Variants in NSMCE2 observed in about 807,000 individuals in gnomAD.
The protein encoded by NSMCE2 is E3 SUMO-protein ligase NSE2.
Under a neutral mutation model 23.8 loss-of-function variants are expected in NSMCE2, and 24 were observed. That is an observed-to-expected ratio of 1.01 (90% CI 0.73 to 1.42). The LOEUF (loss-of-function observed/expected upper bound fraction) is 1.42. Ranked by LOEUF, NSMCE2 falls within the 40% of genes most tolerant of loss-of-function variation. NSMCE2 has a pLI of 0.00. For missense variants in NSMCE2, 284 were observed against 296.5 expected (o/e 0.96, Z 0.31); for synonymous variants, 92 against 94.1 (o/e 0.98, Z 0.13).
chr8:125,141,335 A>G (rs915088619), intron 3 of NSMCE2, among the ~76,000 whole-genome samples: 2 of 152,164 alleles, frequency 1.3e-5, no homozygotes, highest in Non-Finnish European at 2.9e-5. Context: ...CAGATTATTC[A>G]TTACTCCCTG....
intron 3 of NSMCE2, among the ~76,000 whole-genome samples, chr8:125,147,536 G>T (rs1820757511): frequency 6.6e-6 from 1 of 152,178 alleles, no homozygotes; most frequent in African/African-American, 2.4e-5. Flanking sequence ...GGTGAAGAAG[G>T]AAATCCTTCT....
At chr8:125,117,344 C>T (rs929756908) in intron 3 of NSMCE2, among the ~76,000 whole-genome samples, 1 of 152,092 alleles carries the variant, frequency 6.6e-6, no homozygotes, top group Non-Finnish European at 1.5e-5. Flanking sequence ...GCCTCAGCCT[C>T]CCAAAGTGCT....
chr8:125,168,093 G>T (rs1040679090), intron 4 of NSMCE2, among the ~76,000 whole-genome samples: 1 of 152,104 alleles, frequency 6.6e-6, no homozygotes, highest in African/African-American at 2.4e-5. Context: ...ATCACTAATC[G>T]ATGGGTTTAA....
At chr8:125,303,346 A>C (rs1436752697) in intron 5 of NSMCE2, among the ~76,000 whole-genome samples, 1 of 152,172 alleles carries the variant, frequency 6.6e-6, no homozygotes, top group East Asian at 1.9e-4. Flanking sequence ...GAACAGACAG[A>C]ATTCTTTGGA....
At chr8:125,151,978 C>A (rs1386315703) in intron 4 of NSMCE2, among the ~76,000 whole-genome samples, 3 of 152,098 alleles carry the variant, frequency 2.0e-5, no homozygotes, top group African/African-American at 7.2e-5. Flanking sequence ...TTTCTGGTTT[C>A]GTTATTTGCC....
At position 125,245,079 on chromosome 8, in the gene NSMCE2, C is replaced by A. The variant is rs140125248; in HGVS notation, c.418+62823C>A. ...AGCAGATCACCTGAGGTCAGGAGTT[C>A]AAGACCAGCCCGACCAACATGGTAA... On this transcript the variant is annotated intron_variant, in intron 5 of 7. Transcript: ENST00000287437. Among the ~76,000 whole-genome samples the A allele has an allele frequency of 7.1e-3, 1,085 of 152,202 alleles. 10 individuals are homozygous for A. Among genetic ancestry groups the A allele is most frequent in the African/African-American group, 0.025 (1,045 of 41,500 alleles).
At chr8:125,253,951 C>T (rs558621700) in intron 5 of NSMCE2, among the ~76,000 whole-genome samples, 1 of 152,262 alleles carries the variant, frequency 6.6e-6, no homozygotes, top group East Asian at 1.9e-4. Context: ...ATGACTTCTC[C>T]TATAAGATTA....
rs34656029 is a variant in NSMCE2, at chr8:125,096,634, C to CTTTT, written c.-111+4694_-111+4697dup. ...TGTATTACTAGTACTGTGTGGAATC[C>CTTTT]TTTTTTTTTTTTTTTTTTTTTCATA... is the stretch of plus-strand genomic sequence containing the variant. On this transcript the variant is annotated intron_variant, in intron 1 of 7. Coordinates refer to ENST00000287437, the MANE Select transcript of NSMCE2 (RefSeq NM_173685.4). Among the ~76,000 whole-genome samples the CTTTT allele has an allele frequency of 4.9e-4, 39 of 80,404 alleles. 1 individual carries two copies. Among genetic ancestry groups the CTTTT allele is most frequent in the Middle Eastern group, 0.01 (1 of 96 alleles). 52.7% of individuals were successfully genotyped at this position (80,404 alleles called of 152,430 possible).
At chr8:125,192,268 A>G (rs1823385415) in intron 5 of NSMCE2, among the ~76,000 whole-genome samples, 1 of 152,040 alleles carries the variant, frequency 6.6e-6, no homozygotes, top group Non-Finnish European at 1.5e-5. Context: ...TGTTAGATAT[A>G]CTGGAAGTTT....
intron 7 of NSMCE2, among the ~76,000 whole-genome samples, chr8:125,360,242 T>A (rs1813471144): frequency 6.6e-6 from 1 of 152,264 alleles, no homozygotes; most frequent in South Asian, 2.1e-4. Flanking sequence ...CCCGTGGAAG[T>A]GTCCAGGAAG....
intron 5 of NSMCE2, among the ~76,000 whole-genome samples, chr8:125,290,465 A>T (rs891955133): frequency 6.7e-6 from 1 of 149,568 alleles, no homozygotes; most frequent in Non-Finnish European, 1.5e-5. Context: ...CATGACTTGC[A>T]TTTTTTTTTT....
intron 5 of NSMCE2, among the ~76,000 whole-genome samples, chr8:125,334,230 G>C (rs976286779): frequency 5.9e-5 from 9 of 152,196 alleles, no homozygotes; most frequent in Admixed American, 2.0e-4. Flanking sequence ...GAGTCATCTA[G>C]TGGCAGCTGT....
chr8:125,170,377 T>C (rs1306092661), intron 4 of NSMCE2, among the ~76,000 whole-genome samples: 2 of 17,912 alleles, frequency 1.1e-4, no homozygotes, highest in Non-Finnish European at 2.1e-4. Context: ...TCTTTATTTC[T>C]TTTTTTTTTT....
At chr8:125,178,108 C>T (rs1176207725) in intron 4 of NSMCE2, among the ~76,000 whole-genome samples, 2 of 152,228 alleles carry the variant, frequency 1.3e-5, no homozygotes, top group Admixed American at 6.5e-5. Context: ...CCCTCCCTCT[C>T]AGTTGTGTGT....
At chr8:125,313,116 GGAAA>G (rs1451909917) in intron 5 of NSMCE2, among the ~76,000 whole-genome samples, 1 of 142,488 alleles carries the variant, frequency 7.0e-6, no homozygotes, top group Non-Finnish European at 1.5e-5. Flanking sequence ...AAAAAAAAAG[GGAAA>G]GAAGGAAGGA....
chr8:125,121,161 C>T (rs958408544), intron 3 of NSMCE2, among the ~76,000 whole-genome samples: 12 of 152,096 alleles, frequency 7.9e-5, no homozygotes, highest in African/African-American at 2.9e-4. Flanking sequence ...GTTGGAAAAG[C>T]TATATATACA....
chr8:125,200,030 A>G (rs1334789076), intron 5 of NSMCE2, among the ~76,000 whole-genome samples: 2 of 152,092 alleles, frequency 1.3e-5, no homozygotes, highest in East Asian at 1.9e-4. Context: ...TGCTTGATAG[A>G]TCTTCCTCCA....
At chr8:125,216,569 G>GA (rs1824593541) in intron 5 of NSMCE2, among the ~76,000 whole-genome samples, 14 of 151,924 alleles carry the variant, frequency 9.2e-5, no homozygotes, top group Admixed American at 9.2e-4. Flanking sequence ...GGGAGGCGGA[G>GA]GTTGCGGTGA....
intron 5 of NSMCE2, among the ~76,000 whole-genome samples, chr8:125,233,048 G>T (rs1425884960): frequency 6.6e-6 from 1 of 152,192 alleles, no homozygotes; most frequent in African/African-American, 2.4e-5. Context: ...TCTTCTACAG[G>T]GATGTGACCT....
Sources: gnomAD v4.1 joint callset for allele counts (sites outside exome capture counted in the v4.1 genomes callset) on GRCh38, gnomAD v4.1.1 for gene constraint, MANE v1.5 for transcripts, NCBI Gene and HGNC (gene_info 2026-07-23, HGNC 2026-07-21) for gene names.